Variants in POFUT4 observed in about 807,000 individuals in gnomAD.
The protein encoded by POFUT4 is GDP-fucose protein O-fucosyltransferase 4.
chr10:73,772,936 G>A, the POFUT4 span: 26 of 1,608,216 alleles, frequency 1.6e-5, no homozygotes, highest in Non-Finnish European at 2.1e-5. Flanking sequence ...TGGAACGCGC[G>A]GAGTGGCGCC....
chr10:73,773,323 A>C, the POFUT4 span: 1 of 1,614,138 alleles, frequency 6.2e-7, no homozygotes, highest in African/African-American at 1.3e-5. Flanking sequence ...TTGGCCCTGG[A>C]AAATGCCATC....
the POFUT4 span, among the ~76,000 whole-genome samples, chr10:73,777,145 T>C: frequency 3.3e-5 from 5 of 152,346 alleles, no homozygotes; most frequent in East Asian, 1.9e-4. Context: ...GTGGCTGTTA[T>C]ATGCCTTGTC....
At chr10:73,778,819 C>G in the POFUT4 span, 6 of 152,014 alleles carry the variant, frequency 3.9e-5, no homozygotes, top group Admixed American at 2.6e-4. Context: ...CCTGTTTGAC[C>G]TTTTGCAGAA....
the POFUT4 span, chr10:73,773,114 TCCAGGTGTCCAGGACTCCAGGTGTCCAGG>T: frequency 5.5e-6 from 2 of 366,194 alleles, no homozygotes; most frequent in Non-Finnish European, 5.0e-6. Flanking sequence ...TGTCCAGGAC[TCCAGGTGTCCAGGACTCCAGGTGTCCAGG>T]CCTCCAGGGC....
chr10:73,775,679 T>C, the POFUT4 span: 11 of 1,614,052 alleles, frequency 6.8e-6, no homozygotes, highest in Admixed American at 1.7e-5. Flanking sequence ...AGAGGCAACA[T>C]CTCTAAGTGC....
chr10:73,778,445 T>G, the POFUT4 span, among the ~76,000 whole-genome samples: 13 of 145,882 alleles, frequency 8.9e-5, no homozygotes, highest in East Asian at 1.4e-3. Flanking sequence ...AGCCAAACCC[T>G]TCTGTTGCTG....
At chr10:73,775,654 A>G in the POFUT4 span, 4 of 1,614,248 alleles carry the variant, frequency 2.5e-6, no homozygotes, top group Admixed American at 3.3e-5. Context: ...GATTACCTAC[A>G]TGAAATCTTC....
At chr10:73,776,467 C>T in the POFUT4 span, among the ~76,000 whole-genome samples, 6 of 151,288 alleles carry the variant, frequency 4.0e-5, no homozygotes, top group African/African-American at 1.2e-4. Context: ...CGAGGAGAGG[C>T]GACTGCTTGA....
At chr10:73,772,450 G>C in the POFUT4 span, 1 of 1,560,842 alleles carries the variant, frequency 6.4e-7, no homozygotes, top group Non-Finnish European at 8.6e-7. Flanking sequence ...CGGAGTGGGC[G>C]GAACCGTGGG....
chr10:73,774,282 G>A, the POFUT4 span: 1 of 153,454 alleles, frequency 6.5e-6, no homozygotes, highest in African/African-American at 2.4e-5. Context: ...GTAGTCAGGG[G>A]TTACACCTGT....
the POFUT4 span, chr10:73,780,050 A>G: frequency 6.6e-6 from 1 of 152,270 alleles, no homozygotes; most frequent in African/African-American, 2.4e-5. Flanking sequence ...GAAAGCAAGC[A>G]ACATGAATCT....
chr10:73,775,511 C>A, the POFUT4 span: 9 of 1,614,230 alleles, frequency 5.6e-6, no homozygotes, highest in Non-Finnish European at 7.6e-6. Flanking sequence ...GCTGCAGTTC[C>A]ATAATCCAAC....
the POFUT4 span, chr10:73,772,504 G>T: frequency 3.2e-6 from 5 of 1,561,450 alleles, no homozygotes; most frequent in South Asian, 2.4e-5. Flanking sequence ...GCGCAGTGGG[G>T]GTGACGCGCA....
chr10:73,775,682 C>CG, the POFUT4 span: 1 of 1,614,186 alleles, frequency 6.2e-7, no homozygotes, highest in African/African-American at 1.3e-5. Flanking sequence ...GGCAACATCT[C>CG]TAAGTGCCCT....
chr10:73,779,648 AATCT>A, the POFUT4 span: 4 of 152,240 alleles, frequency 2.6e-5, no homozygotes, highest in Non-Finnish European at 2.9e-5. Context: ...CTAAGCTTGC[AATCT>A]ATCTAAATGC....
chr10:73,776,000 CTG>C, the POFUT4 span: 1 of 303,978 alleles, frequency 3.3e-6, no homozygotes, highest in African/African-American at 2.1e-5. Context: ...ATCCTTTCGA[CTG>C]TACTTGATTA....
the POFUT4 span, chr10:73,772,548 CGG>C: frequency 6.4e-7 from 1 of 1,571,472 alleles, no homozygotes; most frequent in Non-Finnish European, 8.6e-7. Flanking sequence ...AGGGAGGAGG[CGG>C]GGGACTTGCC....
the POFUT4 span, among the ~76,000 whole-genome samples, chr10:73,777,588 C>CT: frequency 6.8e-6 from 1 of 147,726 alleles, no homozygotes; most frequent in African/African-American, 2.5e-5. Flanking sequence ...GAGTTTCGCT[C>CT]TTGTTGCCCA....
chr10:73,773,125 A>G, the POFUT4 span: 11 of 1,484,830 alleles, frequency 7.4e-6, no homozygotes, highest in African/African-American at 1.4e-4. Context: ...CCAGGTGTCC[A>G]GGACTCCAGG....
Sources: gnomAD v4.1 joint callset for allele counts (sites outside exome capture counted in the v4.1 genomes callset) on GRCh38, gnomAD v4.1.1 for gene constraint, MANE v1.5 for transcripts, NCBI Gene and HGNC (gene_info 2026-07-23, HGNC 2026-07-21) for gene names.